The following ZNF804B variants were observed in gnomAD, a reference collection of about 807,000 sequenced individuals.
The protein encoded by ZNF804B is zinc finger 804B.
In ZNF804B, 80 loss-of-function variants were observed where a neutral mutation model predicts 101.4. The observed-to-expected ratio is 0.79, with a 90% CI of 0.66 to 0.95. ZNF804B has a LOEUF of 0.95. Ranked by LOEUF, ZNF804B falls within the 40% of genes least tolerant of loss-of-function variation. The probability of loss-of-function intolerance (pLI) is 0.00; values close to 1 mark genes in which losing one functional copy is unlikely to be tolerated. For synonymous variants in ZNF804B, 622 were observed against 558.8 expected, an observed-to-expected ratio of 1.11 and a Z score of -1.59; for missense variants, 1,673 against 1,561.9, an observed-to-expected ratio of 1.07 and a Z score of -1.20.
chr7:88,843,641 G>T lies in ZNF804B; in HGVS notation c.108+83557G>T, dbSNP rs182205184. ...AGTCCCAGCTGTTCGGGAGGCTGAG[G>T]CAGGAGAATCACTTGAACCTGGGAG... On this transcript the variant is annotated intron_variant, in intron 1 of 3. Transcript: ENST00000333190. Among the ~76,000 whole-genome samples, 323 of 152,178 alleles carry T rather than the reference G, an allele frequency of 2.1e-3. 3 individuals carry two copies. Among genetic ancestry groups the T allele is most frequent in the African/African-American group, 7.6e-3 (316 of 41,524 alleles).
chr7:89,045,637 T>A (rs978969546), intron 1 of ZNF804B, among the ~76,000 whole-genome samples: 1 of 152,212 alleles, frequency 6.6e-6, no homozygotes, highest in Non-Finnish European at 1.5e-5. Context: ...TTTTAATGAT[T>A]GCTCTATTGG....
At chr7:88,907,563 A>G (rs1792491782) in intron 1 of ZNF804B, among the ~76,000 whole-genome samples, 1 of 151,996 alleles carries the variant, frequency 6.6e-6, no homozygotes, top group Non-Finnish European at 1.5e-5. Flanking sequence ...TGATAATTTT[A>G]TGAGTGAGGT....
At chr7:88,963,927 A>G (rs906336194) in intron 1 of ZNF804B, among the ~76,000 whole-genome samples, 1 of 151,456 alleles carries the variant, frequency 6.6e-6, no homozygotes, top group African/African-American at 2.4e-5. Flanking sequence ...AAGATGATGA[A>G]CATCATTAAT....
chr7:89,135,706 T>C (rs1231339360), intron 1 of ZNF804B, among the ~76,000 whole-genome samples: 1 of 152,044 alleles, frequency 6.6e-6, no homozygotes, highest in Non-Finnish European at 1.5e-5. Flanking sequence ...CATTTTACTT[T>C]CACAGTCAGA....
intron 1 of ZNF804B, among the ~76,000 whole-genome samples, chr7:88,877,032 T>TA (rs1554342906): frequency 4.9e-4 from 22 of 44,936 alleles, no homozygotes; most frequent in African/African-American, 2.4e-3. Context: ...ATATAATATA[T>TA]ATATATATAT....
At chr7:89,053,442 T>C (rs1040426164) in intron 1 of ZNF804B, among the ~76,000 whole-genome samples, 8 of 152,140 alleles carry the variant, frequency 5.3e-5, no homozygotes. Flanking sequence ...CTTGTGTGAA[T>C]TTTTTCTTGA....
chr7:89,315,583 TA>T (rs1329498828), intron 2 of ZNF804B, among the ~76,000 whole-genome samples: 5 of 152,178 alleles, frequency 3.3e-5, no homozygotes, highest in Non-Finnish European at 7.3e-5. Flanking sequence ...TGTTGATTTT[TA>T]TATTATATAC....
intron 1 of ZNF804B, among the ~76,000 whole-genome samples, chr7:88,956,234 G>A (rs576788417): frequency 2.6e-4 from 40 of 151,604 alleles, no homozygotes; most frequent in Non-Finnish European, 5.5e-4. Flanking sequence ...CCAGCATTAG[G>A]TATTTATCCA....
At chr7:89,057,102 A>G (rs994194196) in intron 1 of ZNF804B, among the ~76,000 whole-genome samples, 1 of 152,094 alleles carries the variant, frequency 6.6e-6, no homozygotes, top group African/African-American at 2.4e-5. Flanking sequence ...AAACATCTTA[A>G]GCGATAGATT....
At chr7:88,967,852 T>C (rs1354014008) in intron 1 of ZNF804B, among the ~76,000 whole-genome samples, 1 of 151,538 alleles carries the variant, frequency 6.6e-6, no homozygotes, top group Non-Finnish European at 1.5e-5. Flanking sequence ...GAAAGAGTAC[T>C]GTAGGCCTTT....
intron 1 of ZNF804B, among the ~76,000 whole-genome samples, chr7:89,205,660 C>A (rs914012024): frequency 6.6e-6 from 1 of 152,216 alleles, no homozygotes; most frequent in African/African-American, 2.4e-5. Context: ...TGATCTTGGG[C>A]AGCTCCTTCC....
intron 1 of ZNF804B, among the ~76,000 whole-genome samples, chr7:89,139,143 A>G (rs1193107104): frequency 6.6e-6 from 1 of 152,144 alleles, no homozygotes; most frequent in Admixed American, 6.6e-5. Context: ...CATGCATATA[A>G]AAGTTATGTT....
At chr7:89,244,971 G>C (rs1357505558) in intron 2 of ZNF804B, among the ~76,000 whole-genome samples, 1 of 152,098 alleles carries the variant, frequency 6.6e-6, no homozygotes, top group Non-Finnish European at 1.5e-5. Context: ...ATGTTTCCTA[G>C]AGGAATGACA....
At chr7:88,885,792 GT>G (rs1792116999) in intron 1 of ZNF804B, among the ~76,000 whole-genome samples, 1 of 151,460 alleles carries the variant, frequency 6.6e-6, no homozygotes, top group Non-Finnish European at 1.5e-5. Flanking sequence ...ATATGCGTCT[GT>G]TTAAACCTGC....
intron 1 of ZNF804B, among the ~76,000 whole-genome samples, chr7:89,158,336 G>A (rs896117611): frequency 2.0e-5 from 3 of 152,102 alleles, no homozygotes; most frequent in African/African-American, 7.2e-5. Flanking sequence ...AATCTTCCCA[G>A]CTAAAATTCT....
chr7:88,989,814 A>T (rs759895290), intron 1 of ZNF804B, among the ~76,000 whole-genome samples: 1 of 152,092 alleles, frequency 6.6e-6, no homozygotes, highest in African/African-American at 2.4e-5. Context: ...AATCACTACG[A>T]AATCTAAAAT....
chr7:89,134,892 G>T (rs1174202584), intron 1 of ZNF804B, among the ~76,000 whole-genome samples: 1 of 151,780 alleles, frequency 6.6e-6, no homozygotes, highest in Non-Finnish European at 1.5e-5. Context: ...CTGATCTCTG[G>T]CTAATAATTA....
chr7:89,327,853 G>A lies in ZNF804B; in HGVS notation c.380+379G>A, dbSNP rs372515994. Among the ~76,000 whole-genome samples, 11 of 151,942 alleles carry A rather than the reference G, an allele frequency of 7.2e-5. No individual in the cohort carries two copies. In the South Asian group the frequency reaches 1.0e-3, roughly 14 times the overall value. Reference sequence around the variant, plus strand: ...GGGAATAAGTCTTCTGAACATTTCCGTGTACACACCTGTGTCTAGTACAAA... The same window carrying A: ...GGGAATAAGTCTTCTGAACATTTCCATGTACACACCTGTGTCTAGTACAAA... On this transcript the variant is annotated intron_variant, in intron 3 of 3. Coordinates refer to ENST00000333190, the MANE Select transcript of ZNF804B (RefSeq NM_181646.5).
At chr7:89,300,636 G>A (rs2115920569) in intron 2 of ZNF804B, among the ~76,000 whole-genome samples, 1 of 151,968 alleles carries the variant, frequency 6.6e-6, no homozygotes, top group South Asian at 2.1e-4. Context: ...TAGCTGGAGA[G>A]CATTGGAATG....
Sources: allele counts gnomAD v4.1 joint callset (sites outside exome capture counted in the v4.1 genomes callset), GRCh38; gene constraint gnomAD v4.1.1; transcripts MANE v1.5; gene names NCBI Gene and HGNC (gene_info 2026-07-23, HGNC 2026-07-21).